Variants in RPS6KA5 observed in about 807,000 individuals in gnomAD.
RPS6KA5 encodes ribosomal protein S6 kinase alpha-5.
Under a neutral mutation model 85.5 loss-of-function variants are expected in RPS6KA5, and 27 were observed. The observed-to-expected ratio is 0.32, with a 90% CI of 0.23 to 0.44. RPS6KA5 has a LOEUF of 0.44. Ranked by LOEUF, RPS6KA5 falls within the 20% of genes least tolerant of loss-of-function variation. RPS6KA5 has a pLI of 1.00. For synonymous variants in RPS6KA5, 334 were observed against 348.2 expected, an observed-to-expected ratio of 0.96 and a Z score of 0.46; for missense variants, 811 against 980.9, an observed-to-expected ratio of 0.83 and a Z score of 2.31.
intron 1 of RPS6KA5, among the ~76,000 whole-genome samples, chr14:91,033,715 A>G (rs2042285292): frequency 6.6e-6 from 1 of 152,248 alleles, no homozygotes; most frequent in Non-Finnish European, 1.5e-5. Flanking sequence ...AATCAGAATT[A>G]TCTAGTACAG....
intron 7 of RPS6KA5, among the ~76,000 whole-genome samples, chr14:90,908,259 A>C (rs1469543731): frequency 1.3e-5 from 2 of 152,218 alleles, no homozygotes; most frequent in African/African-American, 2.4e-5. Flanking sequence ...ACATGCAGGG[A>C]GCTAGAATTT....
chr14:91,058,897 T>C (rs891460655), intron 1 of RPS6KA5, among the ~76,000 whole-genome samples: 1 of 152,254 alleles, frequency 6.6e-6, no homozygotes, highest in Non-Finnish European at 1.5e-5. Context: ...GGAATGCTTA[T>C]AGGCAATCTC....
chr14:90,985,162 C>T (rs572359175), intron 2 of RPS6KA5, among the ~76,000 whole-genome samples: 53 of 152,234 alleles, frequency 3.5e-4, no homozygotes, highest in African/African-American at 1.1e-3. Flanking sequence ...AGGCTGGTCT[C>T]GAACTACCTA....
At chr14:91,005,832 A>C (rs1332620309) in intron 1 of RPS6KA5, among the ~76,000 whole-genome samples, 1 of 152,178 alleles carries the variant, frequency 6.6e-6, no homozygotes, top group African/African-American at 2.4e-5. Flanking sequence ...CATTTATTTC[A>C]CCCTACAGGT....
In RPS6KA5 at chr14:90,872,164, T is replaced by C. The variant is rs2033158116; in HGVS notation, c.2319A>G (p.Lys773=). 4 of 1,613,540 alleles carry C rather than the reference T, an allele frequency of 2.5e-6. No individual in the cohort carries two copies. The highest frequency in any genetic ancestry group is 3.4e-6 in the Non-Finnish European group (4 of 1,179,886). The change falls in exon 17 of 17, where the codon AAA becomes AAG. Residue 773 remains lysine (K), a synonymous_variant. Transcript: ENST00000614987. ...SHSSSSHSHG[K]TTPTKTLQPS... ...GCTGCAGTGTCTTGGTGGGTGTAGT[T>C]TTACCGTGAGAATGAGAGGAAGAAG...
intron 2 of RPS6KA5, among the ~76,000 whole-genome samples, chr14:90,983,017 G>A (rs563173092): frequency 2.0e-4 from 31 of 152,142 alleles, no homozygotes; most frequent in African/African-American, 7.2e-4. Context: ...GGAGGCTGAC[G>A]CAGGAGGATG....
intron 14 of RPS6KA5, among the ~76,000 whole-genome samples, chr14:90,885,700 C>A (rs1595124985): frequency 7.6e-6 from 1 of 131,866 alleles, no homozygotes; most frequent in Admixed American, 8.3e-5. Context: ...GGAGATCACG[C>A]CACTGCACTC....
At chr14:90,943,260 T>A in intron 4 of RPS6KA5, 75 bp from the exon 5 acceptor site, 1 of 744,540 alleles carries the variant, frequency 1.3e-6, no homozygotes, top group Non-Finnish European at 2.1e-6. Context: ...CTCGTCTACC[T>A]TTATTTATTT....
chr14:90,991,701 C>A (rs1199193292), intron 2 of RPS6KA5, among the ~76,000 whole-genome samples: 879 of 85,674 alleles, frequency 0.01, no homozygotes, highest in African/African-American at 0.023. Flanking sequence ...GACTCCATCT[C>A]AAAAAAAAAA....
chr14:90,982,463 A>G (rs1304480309), intron 2 of RPS6KA5, among the ~76,000 whole-genome samples: 1 of 152,136 alleles, frequency 6.6e-6, no homozygotes, highest in Non-Finnish European at 1.5e-5. Flanking sequence ...TCCTGTCTCC[A>G]AAGGAAGAAA....
At chr14:90,926,554 C>A (rs1229010070) in intron 5 of RPS6KA5, among the ~76,000 whole-genome samples, 1 of 151,720 alleles carries the variant, frequency 6.6e-6, no homozygotes, top group Admixed American at 6.6e-5. Context: ...TACAAGGGTG[C>A]TGTCTTATAA....
chr14:90,877,583 C>G (rs2033561309), intron 14 of RPS6KA5, among the ~76,000 whole-genome samples: 1 of 152,208 alleles, frequency 6.6e-6, no homozygotes, highest in Admixed American at 6.5e-5. Context: ...GTCTCTGACT[C>G]TTGCCTTTCT....
chr14:90,881,745 C>G (rs1027215542), intron 14 of RPS6KA5, among the ~76,000 whole-genome samples: 1 of 152,146 alleles, frequency 6.6e-6, no homozygotes, highest in African/African-American at 2.4e-5. Context: ...AAGCGACTCG[C>G]CTGCCTCGGC....
intron 14 of RPS6KA5, 51 bp downstream of exon 14, chr14:90,890,436 A>G (rs757602121): frequency 6.8e-6 from 10 of 1,462,782 alleles, no homozygotes; most frequent in South Asian, 1.4e-5. Flanking sequence ...ATAAGGAGAG[A>G]GGACACCAAA....
intron 5 of RPS6KA5, among the ~76,000 whole-genome samples, chr14:90,930,316 A>G (rs2036908915): frequency 6.6e-6 from 1 of 152,218 alleles, no homozygotes; most frequent in South Asian, 2.1e-4. Context: ...ATAAGAAGAG[A>G]AAAGATTAAC....
intron 3 of RPS6KA5, among the ~76,000 whole-genome samples, chr14:90,960,475 G>C (rs1269767522): frequency 2.0e-5 from 3 of 152,180 alleles, no homozygotes; most frequent in Admixed American, 1.3e-4. Flanking sequence ...TGACCACCCA[G>C]ATCCTCACTG....
At chr14:90,949,383 T>C (rs987928814) in intron 3 of RPS6KA5, among the ~76,000 whole-genome samples, 2 of 152,240 alleles carry the variant, frequency 1.3e-5, no homozygotes, top group Non-Finnish European at 2.9e-5. Context: ...ACTGCAGTTA[T>C]CTTGCTATAC....
intron 6 of RPS6KA5, among the ~76,000 whole-genome samples, chr14:90,920,940 C>G (rs375921030): frequency 3.5e-4 from 53 of 151,994 alleles, no homozygotes; most frequent in African/African-American, 1.2e-3. Context: ...CTATGTTGCC[C>G]AGGCTGGTCT....
chr14:90,905,986 TC>T (rs1451220257), intron 8 of RPS6KA5, among the ~76,000 whole-genome samples, 162 bp downstream of exon 8: 1 of 151,910 alleles, frequency 6.6e-6, no homozygotes, highest in Admixed American at 6.6e-5. Flanking sequence ...ACTGAAAGGG[TC>T]CCTATCATTA....
Sources: gnomAD v4.1 joint callset for allele counts (sites outside exome capture counted in the v4.1 genomes callset) on GRCh38, gnomAD v4.1.1 for gene constraint, MANE v1.5 for transcripts, NCBI Gene and HGNC (gene_info 2026-07-23, HGNC 2026-07-21) for gene names.